CNTN3: variants seen among roughly 807,000 people sequenced by gnomAD.
CNTN3 encodes the protein contactin 3.
A neutral mutation model predicts 119.1 loss-of-function variants in CNTN3; 60 were observed. The observed-to-expected ratio is 0.50, with a 90% CI of 0.41 to 0.62. The LOEUF (loss-of-function observed/expected upper bound fraction) is 0.62. CNTN3 is among the 20% of genes least tolerant of loss of function. The pLI, the probability that CNTN3 is intolerant of heterozygous loss-of-function variation, is 0.00. For missense variants in CNTN3, 1,101 were observed against 1,242.4 expected, an observed-to-expected ratio of 0.89 and a Z score of 1.71; for synonymous variants, 450 against 438.7, an observed-to-expected ratio of 1.03 and a Z score of -0.32.
At position 74,514,660 on chromosome 3, in the gene CNTN3, C is replaced by G. The variant is rs114769455; in HGVS notation, c.55+6398G>C. On this transcript the variant is annotated intron_variant, in intron 2 of 22. Coordinates refer to ENST00000263665, the MANE Select transcript of CNTN3 (RefSeq NM_020872.3). ...TATATATGTAGGGATGCATGTGTAA[C>G]TTGATTTTTCTCTACTGCATATAGT... Among the ~76,000 whole-genome samples the G allele has an allele frequency of 4.9e-3, 744 of 152,152 alleles. 6 individuals carry two copies. Among genetic ancestry groups the G allele is most frequent in the Middle Eastern group, 0.044 (13 of 294 alleles).
intron 13 of CNTN3, among the ~76,000 whole-genome samples, chr3:74,306,925 T>C (rs1702575615): frequency 6.6e-6 from 1 of 152,182 alleles, no homozygotes; most frequent in Non-Finnish European, 1.5e-5. Context: ...CAGGCATTAA[T>C]GAAATGACTA....
intron 5 of CNTN3, among the ~76,000 whole-genome samples, chr3:74,380,086 C>G (rs1704577643): frequency 6.6e-6 from 1 of 152,230 alleles, no homozygotes; most frequent in Admixed American, 6.5e-5. Flanking sequence ...ACTGGCACTT[C>G]AGATAGAACG....
chr3:74,544,682 T>G (rs1260195453), intron 1 of CNTN3, among the ~76,000 whole-genome samples: 2 of 152,220 alleles, frequency 1.3e-5, no homozygotes, highest in Admixed American at 1.3e-4. Context: ...CAAGGCAACC[T>G]CCACCTCCCA....
chr3:74,321,514 G>T (rs1702989150), intron 13 of CNTN3, among the ~76,000 whole-genome samples: 1 of 151,942 alleles, frequency 6.6e-6, no homozygotes, highest in Admixed American at 6.6e-5. Context: ...TGGAAAAATA[G>T]AGCAAATCAG....
In CNTN3 at chr3:74,369,337, C is replaced by A. The variant is rs1239727815; in HGVS notation, c.798G>T (p.Gly266=). The part of the protein sequence containing the change: ...IPQINWRRSD[G]LPFSSKIKLR... ...ATTTAATTTTGCTGGAAAATGGCAG[C>A]CCATCACTTCTTCTCCAATTAATCT... The change falls in exon 8 of 23, where the codon GGG becomes GGT. Residue 266 remains glycine, a synonymous_variant. Transcript: ENST00000263665. The A allele has an allele frequency of 6.2e-7, 1 of 1,605,960 alleles. No individual in the cohort carries two copies. Among genetic ancestry groups the A allele is most frequent in the South Asian group, 1.1e-5 (1 of 90,022 alleles).
intron 1 of CNTN3, among the ~76,000 whole-genome samples, chr3:74,571,244 A>G (rs999458617): frequency 1.3e-5 from 2 of 152,208 alleles, no homozygotes; most frequent in Admixed American, 1.3e-4. Flanking sequence ...TACTGCAGAT[A>G]GTGTTCTAGC....
intron 1 of CNTN3, among the ~76,000 whole-genome samples, chr3:74,574,561 T>G (rs889570194): frequency 6.6e-6 from 1 of 152,210 alleles, no homozygotes; most frequent in Non-Finnish European, 1.5e-5. Context: ...CATCTAGGTT[T>G]GCTCTCAATG....
chr3:74,441,280 A>G (rs960016709), intron 4 of CNTN3, among the ~76,000 whole-genome samples: 2 of 152,164 alleles, frequency 1.3e-5, no homozygotes, highest in African/African-American at 2.4e-5. Flanking sequence ...ACACTAAAGC[A>G]TAATAGATGG....
At chr3:74,487,382 G>C (rs1255007749) in intron 3 of CNTN3, among the ~76,000 whole-genome samples, 1 of 151,892 alleles carries the variant, frequency 6.6e-6, no homozygotes, top group Non-Finnish European at 1.5e-5. Flanking sequence ...ACAATCTCAA[G>C]AACACATTAC....
intron 13 of CNTN3, among the ~76,000 whole-genome samples, chr3:74,328,296 GTAT>G (rs573513668): frequency 1.1e-4 from 16 of 151,754 alleles, no homozygotes; most frequent in African/African-American, 3.1e-4. Context: ...ATTATTTGAG[GTAT>G]TATTTTATTT....
intron 1 of CNTN3, among the ~76,000 whole-genome samples, chr3:74,551,955 G>C (rs2107161461): frequency 6.6e-6 from 1 of 151,240 alleles, no homozygotes; most frequent in Non-Finnish European, 1.5e-5. Context: ...GTAGAGACAG[G>C]GTTTTGCCAT....
At chr3:74,516,094 T>C (rs1432086282) in intron 2 of CNTN3, among the ~76,000 whole-genome samples, 1 of 151,916 alleles carries the variant, frequency 6.6e-6, no homozygotes, top group Non-Finnish European at 1.5e-5. Flanking sequence ...ACCCCCTAGA[T>C]GAAAATTCAG....
intron 11 of CNTN3, among the ~76,000 whole-genome samples, chr3:74,342,069 C>T (rs777148216): frequency 3.3e-5 from 5 of 151,924 alleles, no homozygotes; most frequent in Admixed American, 1.3e-4. Context: ...GAGATGGATG[C>T]TTACATTACA....
At chr3:74,608,549 A>G (rs1228012709) in intron 1 of CNTN3, among the ~76,000 whole-genome samples, 2 of 152,218 alleles carry the variant, frequency 1.3e-5, no homozygotes, top group African/African-American at 2.4e-5. Context: ...CCTTTAGAGC[A>G]TATGTTTGTC....
chr3:74,407,619 G>C (rs565812395), intron 5 of CNTN3, among the ~76,000 whole-genome samples: 2 of 151,876 alleles, frequency 1.3e-5, no homozygotes, highest in Non-Finnish European at 2.9e-5. Flanking sequence ...AAAAGACCTC[G>C]AAACTTGCTT....
intron 5 of CNTN3, among the ~76,000 whole-genome samples, chr3:74,404,410 G>A (rs904853292): frequency 1.3e-5 from 2 of 152,022 alleles, no homozygotes; most frequent in African/African-American, 4.8e-5. Flanking sequence ...TGTTACTCTG[G>A]TTTATCTAAT....
At chr3:74,319,091 C>G (rs1028732283) in intron 13 of CNTN3, among the ~76,000 whole-genome samples, 9 of 152,070 alleles carry the variant, frequency 5.9e-5, no homozygotes, top group Non-Finnish European at 1.3e-4. Flanking sequence ...CCATACTGCC[C>G]AAGGTAATTT....
At chr3:74,346,362 A>G (rs1446597237) in intron 11 of CNTN3, among the ~76,000 whole-genome samples, 1 of 151,956 alleles carries the variant, frequency 6.6e-6, no homozygotes, top group Non-Finnish European at 1.5e-5. Flanking sequence ...CCAAAACAGG[A>G]TAGATTTTTA....
At chr3:74,539,601 A>C (rs1292733282) in intron 1 of CNTN3, among the ~76,000 whole-genome samples, 1 of 152,042 alleles carries the variant, frequency 6.6e-6, no homozygotes, top group Non-Finnish European at 1.5e-5. Flanking sequence ...AAAAAAAATT[A>C]ATACGTCATC....
Sources: allele counts gnomAD v4.1 joint callset (sites outside exome capture counted in the v4.1 genomes callset), GRCh38; gene constraint gnomAD v4.1.1; transcripts MANE v1.5; gene names NCBI Gene and HGNC (gene_info 2026-07-23, HGNC 2026-07-21).